Variants in STRN3 observed in about 807,000 individuals in gnomAD.
STRN3 encodes striatin-3.
A neutral mutation model predicts 95.6 loss-of-function variants in STRN3; 29 were observed. That is an observed-to-expected ratio of 0.30 (90% confidence interval 0.23 to 0.41). The LOEUF is 0.41. Ranked by LOEUF, STRN3 falls within the 10% of genes least tolerant of loss-of-function variation. STRN3 has a pLI of 1.00. For synonymous variants in STRN3, 331 were observed against 357.6 expected (o/e 0.93, Z 0.84); for missense variants, 890 against 972.1 (o/e 0.92, Z 1.12).
chr14:30,897,725 G>A (rs1170018119), intron 16 of STRN3, among the ~76,000 whole-genome samples: 1 of 152,168 alleles, frequency 6.6e-6, no homozygotes, highest in African/African-American at 2.4e-5. Context: ...TTAATACTAA[G>A]AGTAATAAAC....
At chr14:30,915,272 C>CAT (rs1352445762) in intron 9 of STRN3, among the ~76,000 whole-genome samples, 1 of 152,048 alleles carries the variant, frequency 6.6e-6, no homozygotes, top group Non-Finnish European at 1.5e-5. Context: ...AGACACAATT[C>CAT]ATATATATAC....
At chr14:30,925,165 G>C (rs896410294) in intron 8 of STRN3, among the ~76,000 whole-genome samples, 1 of 149,238 alleles carries the variant, frequency 6.7e-6, no homozygotes, top group Non-Finnish European at 1.5e-5. Context: ...AAGAAATACT[G>C]AAGTGGGTCT....
At chr14:30,940,102 A>G (rs1879023099) in intron 5 of STRN3, among the ~76,000 whole-genome samples, 1 of 152,030 alleles carries the variant, frequency 6.6e-6, no homozygotes, top group Non-Finnish European at 1.5e-5. Flanking sequence ...GCAGAACTGT[A>G]CATCTCCTTT....
At chr14:30,920,762 A>C (rs1055082484) in intron 8 of STRN3, among the ~76,000 whole-genome samples, 2 of 152,122 alleles carry the variant, frequency 1.3e-5, no homozygotes, top group African/African-American at 4.8e-5. Flanking sequence ...CAACTAAATT[A>C]ATTTTCCAAA....
In STRN3 at chr14:30,987,732, T is replaced by C. The variant is rs997365132; in HGVS notation, c.283-31490A>G. Among the ~76,000 whole-genome samples, 18 of 150,212 alleles carry C rather than the reference T, an allele frequency of 1.2e-4. No homozygotes were observed. In the East Asian group the frequency reaches 2.6e-3, roughly 22 times the overall value. The stretch of plus-strand genomic sequence containing the variant: ...ACAATATTTTCTTACATTCAATCAG[T>C]TGAATATAATTTTTTTTTTTTTTGA... On this transcript the variant is annotated intron_variant, in intron 1 of 17. Coordinates refer to ENST00000357479, the MANE Select transcript of STRN3 (RefSeq NM_001083893.2).
chr14:30,911,760 A>G lies in STRN3; in HGVS notation c.1598+17T>C. ...ATAATGATGATGTTAATTAAATACC[A>G]ATTCAGTAAAACTTACATGTGGGCC... On this transcript the variant is annotated intron_variant, in intron 12 of 17. Transcript: ENST00000357479. The G allele has an allele frequency of 1.3e-6, 2 of 1,595,598 alleles. No homozygotes were observed. The highest frequency in any genetic ancestry group is 1.7e-6 in the Non-Finnish European group (2 of 1,170,286).
chr14:30,940,244 T>C (rs1371995801), intron 5 of STRN3, among the ~76,000 whole-genome samples: 1 of 152,180 alleles, frequency 6.6e-6, no homozygotes, highest in Non-Finnish European at 1.5e-5. Flanking sequence ...TTCCTGAAAT[T>C]TCCTTTGCCT....
intron 8 of STRN3, among the ~76,000 whole-genome samples, chr14:30,923,103 T>C (rs1896925338): frequency 6.6e-6 from 1 of 152,200 alleles, no homozygotes; most frequent in South Asian, 2.1e-4. Flanking sequence ...ATTAGTACTA[T>C]GTGCTAAACG....
At chr14:30,980,209 C>A (rs1881321942) in intron 1 of STRN3, among the ~76,000 whole-genome samples, 2 of 151,648 alleles carry the variant, frequency 1.3e-5, no homozygotes, top group African/African-American at 4.8e-5. Context: ...TGTACCATTG[C>A]ACTACAGCTG....
intron 1 of STRN3, among the ~76,000 whole-genome samples, chr14:31,015,978 T>C (rs1883219238): frequency 6.6e-6 from 1 of 152,158 alleles, no homozygotes; most frequent in African/African-American, 2.4e-5. Flanking sequence ...AATACTGTTT[T>C]TCATTAGGGG....
At chr14:30,897,777 GAA>G (rs36054362) in intron 16 of STRN3, among the ~76,000 whole-genome samples, 1 of 152,088 alleles carries the variant, frequency 6.6e-6, no homozygotes, top group Non-Finnish European at 1.5e-5. Flanking sequence ...CCAAAGAACA[GAA>G]AAGTCTTCAA....
At chr14:30,922,205 A>G (rs1896902766) in intron 8 of STRN3, among the ~76,000 whole-genome samples, 1 of 151,940 alleles carries the variant, frequency 6.6e-6, no homozygotes, top group African/African-American at 2.4e-5. Flanking sequence ...TGTATTTTTT[A>G]TTTTTGTAGA....
intron 8 of STRN3, among the ~76,000 whole-genome samples, chr14:30,921,349 A>G (rs887870946): frequency 2.6e-5 from 4 of 152,246 alleles, no homozygotes; most frequent in Non-Finnish European, 1.5e-5. Context: ...TCTTCTGTAC[A>G]CATGAACTGG....
At chr14:31,012,041 A>C in intron 1 of STRN3, among the ~76,000 whole-genome samples, 1 of 151,926 alleles carries the variant, frequency 6.6e-6, no homozygotes, top group Non-Finnish European at 1.5e-5. Flanking sequence ...GAGATCGCGC[A>C]ACTGCGCTCC....
chr14:30,947,940 G>T (rs1030073305), intron 4 of STRN3, among the ~76,000 whole-genome samples: 4 of 152,156 alleles, frequency 2.6e-5, no homozygotes, highest in African/African-American at 9.7e-5. Flanking sequence ...GCTAATGAAG[G>T]ATGCTTAAAA....
At chr14:30,929,974 A>AAAAAAAAAAAAAAAAAAC (rs1566441515) in intron 7 of STRN3, among the ~76,000 whole-genome samples, 1 of 149,904 alleles carries the variant, frequency 6.7e-6, no homozygotes, top group African/African-American at 2.4e-5. Flanking sequence ...AAAAAAAAAA[A>AAAAAAAAAAAAAAAAAAC]AAAAACTCAA....
chr14:31,005,594 CA>C (rs1249199105), intron 1 of STRN3, among the ~76,000 whole-genome samples: 2 of 152,168 alleles, frequency 1.3e-5, no homozygotes, highest in Non-Finnish European at 2.9e-5. Flanking sequence ...TTTCTTCTCA[CA>C]ATACTAATGG....
At chr14:30,923,281 G>T (rs1486832212) in intron 8 of STRN3, among the ~76,000 whole-genome samples, 2 of 152,116 alleles carry the variant, frequency 1.3e-5, no homozygotes, top group Non-Finnish European at 1.5e-5. Flanking sequence ...TGTTTTCTTG[G>T]ATCTGGAATA....
chr14:31,015,744 T>C (rs138090743), intron 1 of STRN3, among the ~76,000 whole-genome samples: 32 of 152,270 alleles, frequency 2.1e-4, no homozygotes, highest in African/African-American at 7.2e-4. Context: ...AGCCAGGCCT[T>C]GGAAAGCAGC....
Sources: allele counts gnomAD v4.1 joint callset (sites outside exome capture counted in the v4.1 genomes callset), GRCh38; gene constraint gnomAD v4.1.1; transcripts MANE v1.5; gene names NCBI Gene and HGNC (gene_info 2026-07-23, HGNC 2026-07-21).